The following ANKS1B variants were observed in gnomAD, a reference collection of about 807,000 sequenced individuals.
ANKS1B encodes ankyrin repeat and sterile alpha motif domain containing 1B, also known as ankyrin repeat and sterile alpha motif domain-containing protein 1B.
A neutral mutation model predicts 148.3 loss-of-function variants in ANKS1B; 36 were observed. That is an observed-to-expected ratio of 0.24 (90% CI 0.19 to 0.32). The LOEUF is 0.32. Ranked by LOEUF, ANKS1B falls within the 10% of genes least tolerant of loss-of-function variation. The pLI is 1.00. For synonymous variants in ANKS1B, 542 were observed against 560.8 expected (o/e 0.97, Z 0.47); for missense variants, 1,157 against 1,542.6 (o/e 0.75, Z 4.19).
chr12:98,978,776 C>A (rs972806024), intron 17 of ANKS1B, among the ~76,000 whole-genome samples: 4 of 152,036 alleles, frequency 2.6e-5, no homozygotes, highest in East Asian at 3.8e-4. Context: ...TGACAAAAAA[C>A]CCCATGATAT....
At chr12:99,083,904 A>G (rs2050714953) in intron 16 of ANKS1B, 1 of 152,100 alleles carries the variant, frequency 6.6e-6, no homozygotes, top group African/African-American at 2.4e-5. Flanking sequence ...ATGGCCATAG[A>G]TCTGAAATGC....
At chr12:99,571,776 A>G (rs2097458500) in intron 9 of ANKS1B, among the ~76,000 whole-genome samples, 1 of 152,148 alleles carries the variant, frequency 6.6e-6, no homozygotes, top group South Asian at 2.1e-4. Context: ...TTTCATATAA[A>G]TAAGGGTTCA....
At position 99,424,994 on chromosome 12, in the gene ANKS1B, C is replaced by T. The variant is rs73373913; in HGVS notation, c.1575+18679G>A. Among the ~76,000 whole-genome samples the T allele has an allele frequency of 3.7e-3, 570 of 152,120 alleles. 6 individuals are homozygous for T. Among genetic ancestry groups the T allele is most frequent in the African/African-American group, 0.013 (551 of 41,532 alleles). ...CTGAACCTCACTTCTAAGTTCTTTT[C>T]TGTACCTCACTTTCCTTTTTATGTC... is the stretch of plus-strand genomic sequence containing the variant. On this transcript the variant is annotated intron_variant, in intron 11 of 26. Coordinates refer to ENST00000683438, the MANE Select transcript of ANKS1B (RefSeq NM_001352186.2).
chr12:99,715,332 T>C (rs2153542550), intron 8 of ANKS1B, among the ~76,000 whole-genome samples: 1 of 152,224 alleles, frequency 6.6e-6, no homozygotes, highest in Non-Finnish European at 1.5e-5. Context: ...CATTGTCTTG[T>C]GAAATTCCTT....
chr12:99,457,616 C>A (rs1246368486), intron 10 of ANKS1B, among the ~76,000 whole-genome samples: 2 of 152,054 alleles, frequency 1.3e-5, no homozygotes, highest in African/African-American at 2.4e-5. Flanking sequence ...CAAAAGCAAG[C>A]AGGAGTAGCT....
chr12:99,643,532 G>T (rs2098330741), intron 9 of ANKS1B, among the ~76,000 whole-genome samples: 1 of 152,130 alleles, frequency 6.6e-6, no homozygotes, highest in Admixed American at 6.6e-5. Flanking sequence ...ACCCTCTCGG[G>T]CCTCAGTCCC....
At chr12:99,862,987 C>T (rs1475390728) in intron 1 of ANKS1B, among the ~76,000 whole-genome samples, 2 of 152,212 alleles carry the variant, frequency 1.3e-5, no homozygotes, top group African/African-American at 4.8e-5. Flanking sequence ...CAGTATGCTA[C>T]AGCAACTCTA....
intron 17 of ANKS1B, among the ~76,000 whole-genome samples, chr12:98,834,933 C>T (rs777788640): frequency 6.6e-6 from 1 of 152,112 alleles, no homozygotes; most frequent in Non-Finnish European, 1.5e-5. Context: ...CTTTTATTCT[C>T]ATCCTCAATT....
chr12:98,891,925 C>CTTTA (rs1555471261), intron 17 of ANKS1B, among the ~76,000 whole-genome samples: 1 of 152,268 alleles, frequency 6.6e-6, no homozygotes, highest in African/African-American at 2.4e-5. Context: ...ATTACTAGCA[C>CTTTA]TTGTAAATAT....
intron 17 of ANKS1B, among the ~76,000 whole-genome samples, chr12:98,886,713 A>G (rs1246270723): frequency 6.6e-6 from 1 of 152,114 alleles, no homozygotes; most frequent in Non-Finnish European, 1.5e-5. Context: ...ATAAAGGCAG[A>G]AAAAAAATCA....
At chr12:99,058,973 G>A (rs181518346) in intron 16 of ANKS1B, among the ~76,000 whole-genome samples, 2 of 151,546 alleles carry the variant, frequency 1.3e-5, no homozygotes, top group African/African-American at 2.4e-5. Context: ...TCCTGACCTC[G>A]TGATCCGCCC....
At chr12:99,577,864 C>T (rs779424129) in intron 9 of ANKS1B, among the ~76,000 whole-genome samples, 90 of 152,072 alleles carry the variant, frequency 5.9e-4, no homozygotes, top group Admixed American at 1.9e-3. Flanking sequence ...GGACTCCTTC[C>T]TATCTCATCC....
At chr12:99,068,703 C>CAGAG (rs10554812) in intron 16 of ANKS1B, among the ~76,000 whole-genome samples, 16 of 144,520 alleles carry the variant, frequency 1.1e-4, no homozygotes, top group African/African-American at 4.2e-4. Context: ...GGGTGGGGGG[C>CAGAG]AGAGAGAGAG....
intron 3 of ANKS1B, among the ~76,000 whole-genome samples, chr12:99,806,964 T>C (rs1267430912): frequency 1.3e-5 from 2 of 152,188 alleles, no homozygotes; most frequent in African/African-American, 4.8e-5. Context: ...TGACAAATGA[T>C]TTAGCCATGT....
chr12:99,562,047 TAAAAAC>T (rs760504456), intron 9 of ANKS1B, among the ~76,000 whole-genome samples: 1 of 152,212 alleles, frequency 6.6e-6, no homozygotes, highest in Non-Finnish European at 1.5e-5. Context: ...TTCGCACACA[TAAAAAC>T]AACACTAATA....
chr12:99,010,750 T>G (rs896200876), intron 17 of ANKS1B, among the ~76,000 whole-genome samples: 1 of 131,086 alleles, frequency 7.6e-6, no homozygotes, highest in Non-Finnish European at 1.6e-5. Context: ...TTATTATTAT[T>G]ATTATTATTA....
At chr12:99,872,108 T>A (rs1473127729) in intron 1 of ANKS1B, among the ~76,000 whole-genome samples, 1 of 152,178 alleles carries the variant, frequency 6.6e-6, no homozygotes, top group Admixed American at 6.5e-5. Flanking sequence ...ATTAAAAAGA[T>A]TATCAATACC....
intron 9 of ANKS1B, among the ~76,000 whole-genome samples, chr12:99,626,958 T>C (rs2153386377): frequency 6.6e-6 from 1 of 152,256 alleles, no homozygotes; most frequent in African/African-American, 2.4e-5. Flanking sequence ...GCACTGGCCA[T>C]TCAAAGGATA....
chr12:99,666,035 T>C (rs1416129153), intron 8 of ANKS1B, among the ~76,000 whole-genome samples: 5 of 152,216 alleles, frequency 3.3e-5, no homozygotes. Context: ...TTTTTTAATA[T>C]ATAAGTAGAA....
Sources: gnomAD v4.1 joint callset for allele counts (sites outside exome capture counted in the v4.1 genomes callset) on GRCh38, gnomAD v4.1.1 for gene constraint, MANE v1.5 for transcripts, NCBI Gene and HGNC (gene_info 2026-07-23, HGNC 2026-07-21) for gene names.